GPHN: variants seen among roughly 807,000 people sequenced by gnomAD.
GPHN encodes the protein gephyrin.
A neutral mutation model predicts 95.5 loss-of-function variants in GPHN; 17 were observed. The ratio of observed to expected loss-of-function variants is 0.18; its 90% CI spans 0.12 to 0.27. The LOEUF (loss-of-function observed/expected upper bound fraction) is 0.27. Ranked by LOEUF, GPHN falls within the 10% of genes least tolerant of loss-of-function variation. The probability of loss-of-function intolerance (pLI) is 1.00; values close to 1 mark genes in which losing one functional copy is unlikely to be tolerated. For missense variants in GPHN, 660 were observed against 978.1 expected (o/e 0.67, Z 4.34); for synonymous variants, 320 against 322.5 (o/e 0.99, Z 0.08).
the GPHN span, among the ~76,000 whole-genome samples, chr14:67,325,735 A>G: frequency 6.6e-6 from 1 of 151,982 alleles, no homozygotes; most frequent in Non-Finnish European, 1.5e-5. Flanking sequence ...TTTTTAGGCT[A>G]TCTTTTTTTC....
intron 1 of GPHN, among the ~76,000 whole-genome samples, chr14:66,680,331 A>C (rs1230732224): frequency 6.6e-6 from 1 of 152,190 alleles, no homozygotes; most frequent in Non-Finnish European, 1.5e-5. Flanking sequence ...ACCTATTAAA[A>C]TTTTATCCTC....
At chr14:67,502,709 C>T in the GPHN span, among the ~76,000 whole-genome samples, 1 of 152,046 alleles carries the variant, frequency 6.6e-6, no homozygotes, top group Non-Finnish European at 1.5e-5. Flanking sequence ...ACCATGGCCT[C>T]CCAAAGTGCT....
At chr14:66,992,028 GAA>G (rs1273795460) in intron 9 of GPHN, among the ~76,000 whole-genome samples, 1 of 151,774 alleles carries the variant, frequency 6.6e-6, no homozygotes. Context: ...AGATATTCAG[GAA>G]AAAAGTAGAT....
chr14:67,199,645 G>A, the GPHN span: 1 of 1,577,074 alleles, frequency 6.3e-7, no homozygotes, highest in Non-Finnish European at 8.7e-7. Context: ...GACGACTTCT[G>A]GCAGCTCAGA....
At chr14:67,464,383 A>G in the GPHN span, among the ~76,000 whole-genome samples, 1 of 151,934 alleles carries the variant, frequency 6.6e-6, no homozygotes, top group African/African-American at 2.4e-5. Flanking sequence ...GGTCTTCCTT[A>G]AAAGCACTCC....
the GPHN span, chr14:67,574,290 C>T: frequency 6.2e-7 from 1 of 1,608,884 alleles, no homozygotes; most frequent in Non-Finnish European, 8.5e-7. The surrounding 1 kb of genome is among the most constrained non-coding windows in gnomAD (Gnocchi z 4.2). Flanking sequence ...TTCACCCAGC[C>T]TGCTGGAGGA....
chr14:66,766,800 C>G (rs572248440), intron 2 of GPHN, among the ~76,000 whole-genome samples: 1 of 152,156 alleles, frequency 6.6e-6, no homozygotes, highest in South Asian at 2.1e-4. Flanking sequence ...CAAACACACA[C>G]AAAGCCAGGT....
At chr14:67,733,636 G>T in the GPHN span, 1 of 731,594 alleles carries the variant, frequency 1.4e-6, no homozygotes. Context: ...CTTTGAGTCT[G>T]GCATATATTG....
chr14:67,260,620 G>C, the GPHN span, among the ~76,000 whole-genome samples: 1 of 151,996 alleles, frequency 6.6e-6, no homozygotes, highest in Non-Finnish European at 1.5e-5. Context: ...TGATGGAAGA[G>C]GAAAATCTTA....
At chr14:66,541,246 C>G (rs1310976478) in intron 1 of GPHN, among the ~76,000 whole-genome samples, 1 of 152,184 alleles carries the variant, frequency 6.6e-6, no homozygotes, top group Non-Finnish European at 1.5e-5. Flanking sequence ...CTGCACCCAG[C>G]CTGAAATATC....
Position 66,527,546 on chromosome 14 carries a change from T to C in GPHN, c.64+18955T>C, listed in dbSNP as rs529301445. Among the ~76,000 whole-genome samples, 23 of 152,258 alleles carry C rather than the reference T, an allele frequency of 1.5e-4. No individual in the cohort carries two copies. The East Asian group carries it at 4.1e-3, about 27-fold the overall frequency. On this transcript the variant is annotated intron_variant, in intron 1 of 22. Coordinates refer to ENST00000478722, the MANE Select transcript of GPHN (RefSeq NM_020806.5). ...TTTGCTCTTTCTTCTCTAGTTCTTTTAATTGTGATGTTAGGGTATCGATTT... is the reference window on the plus strand; with the variant it reads ...TTTGCTCTTTCTTCTCTAGTTCTTTCAATTGTGATGTTAGGGTATCGATTT...
the GPHN span, among the ~76,000 whole-genome samples, chr14:67,527,721 T>A: frequency 1.3e-5 from 2 of 152,180 alleles, no homozygotes; most frequent in Non-Finnish European, 2.9e-5. Context: ...TAATTCCTTA[T>A]CTCCAGGCTG....
At chr14:67,405,846 C>G in the GPHN span, among the ~76,000 whole-genome samples, 3 of 152,192 alleles carry the variant, frequency 2.0e-5, no homozygotes, top group Non-Finnish European at 4.4e-5. Flanking sequence ...GCCAGTCAAG[C>G]CTTCAGGTGA....
the GPHN span, chr14:67,279,279 G>A: frequency 1.2e-6 from 2 of 1,614,042 alleles, no homozygotes; most frequent in Non-Finnish European, 1.7e-6. Context: ...AGAGATGGCT[G>A]TTGACTGCCC....
intron 9 of GPHN, chr14:66,996,259 C>T (rs769623597): frequency 1.4e-5 from 16 of 1,182,154 alleles, no homozygotes; most frequent in Non-Finnish European, 1.8e-5. Flanking sequence ...CAATAACATG[C>T]TCGCCCTCAC....
At chr14:67,566,189 C>T in the GPHN span, among the ~76,000 whole-genome samples, 3 of 152,160 alleles carry the variant, frequency 2.0e-5, no homozygotes, top group Non-Finnish European at 4.4e-5. Context: ...TTGGCAGTGA[C>T]TGTTGATCAG....
At chr14:66,956,470 A>G (rs2068511400) in intron 8 of GPHN, among the ~76,000 whole-genome samples, 1 of 152,060 alleles carries the variant, frequency 6.6e-6, no homozygotes, top group African/African-American at 2.4e-5. Context: ...ACTGACTTCC[A>G]CAATGGTTGA....
intron 2 of GPHN, among the ~76,000 whole-genome samples, chr14:66,699,726 T>C (rs944283718): frequency 6.6e-6 from 1 of 152,188 alleles, no homozygotes; most frequent in African/African-American, 2.4e-5. Context: ...ACTATTTGTA[T>C]AAATGATGGA....
chr14:67,372,859 C>T, the GPHN span, among the ~76,000 whole-genome samples: 1 of 151,922 alleles, frequency 6.6e-6, no homozygotes, highest in African/African-American at 2.4e-5. Context: ...CAAAAAAACC[C>T]TGTATCTAAA....
Sources: gnomAD v4.1 joint callset for allele counts (sites outside exome capture counted in the v4.1 genomes callset) on GRCh38, gnomAD v4.1.1 for gene constraint, Gnocchi (gnomAD v3.1) non-coding constraint, MANE v1.5 for transcripts, NCBI Gene and HGNC (gene_info 2026-07-23, HGNC 2026-07-21) for gene names.